Variants in ADRA1B observed in about 807,000 individuals in gnomAD.
The protein encoded by ADRA1B is alpha-1B adrenergic receptor.
ADRA1B carries 17 observed loss-of-function variants against 17.9 expected under a neutral mutation model. The ratio of observed to expected loss-of-function variants is 0.95; its 90% confidence interval spans 0.65 to 1.42. The LOEUF (loss-of-function observed/expected upper bound fraction) is 1.42. ADRA1B is among the 40% of genes most tolerant of loss of function. ADRA1B has a pLI of 0.00. For synonymous variants in ADRA1B, 366 were observed against 327.6 expected, an observed-to-expected ratio of 1.12 and a Z score of -1.27; for missense variants, 681 against 722.1, an observed-to-expected ratio of 0.94 and a Z score of 0.65.
chr5:159,914,288 C>T (rs578135825), upstream of ADRA1B, among the ~76,000 whole-genome samples: 1 of 152,324 alleles, frequency 6.6e-6, no homozygotes, highest in East Asian at 1.9e-4. Context: ...TCACACCCCA[C>T]TGTGTAGGTC....
At chr5:159,925,018 C>T (rs1754605163) in intron 1 of ADRA1B, among the ~76,000 whole-genome samples, 1 of 152,200 alleles carries the variant, frequency 6.6e-6, no homozygotes, top group Non-Finnish European at 1.5e-5. Flanking sequence ...CCTCATTTTA[C>T]AGATGAGGAA....
intron 1 of ADRA1B, among the ~76,000 whole-genome samples, chr5:159,962,887 C>CTTGTTTTTTTT (rs1755700738): frequency 1.2e-5 from 1 of 81,998 alleles, no homozygotes; most frequent in Non-Finnish European, 2.5e-5. Context: ...TGGTTTTTAG[C>CTTGTTTTTTTT]TTTTATTTCT....
chr5:159,899,183 A>G (rs114972515), intron 1 of ADRA1B, among the ~76,000 whole-genome samples: 1,563 of 144,706 alleles, frequency 0.011, 21 homozygotes, highest in African/African-American at 0.037. Flanking sequence ...AAAGAAAAAA[A>G]GAAAAGAAAA....
At chr5:159,932,487 T>C (rs1396751512) in intron 1 of ADRA1B, among the ~76,000 whole-genome samples, 1 of 152,160 alleles carries the variant, frequency 6.6e-6, no homozygotes, top group Non-Finnish European at 1.5e-5. Context: ...TGCACTGAAT[T>C]CCATAATAGA....
chr5:159,927,381 G>GCGCACACACACA (rs372694181), intron 1 of ADRA1B, among the ~76,000 whole-genome samples: 1 of 140,636 alleles, frequency 7.1e-6, no homozygotes, highest in African/African-American at 2.7e-5. Flanking sequence ...ATTAAAACAT[G>GCGCACACACACA]CACACACACA....
intron 1 of ADRA1B, among the ~76,000 whole-genome samples, chr5:159,934,000 C>T (rs1754882286): frequency 6.6e-6 from 1 of 152,188 alleles, no homozygotes; most frequent in Admixed American, 6.5e-5. Flanking sequence ...ATGGCAAATG[C>T]ACCACATTTT....
intron 1 of ADRA1B, among the ~76,000 whole-genome samples, chr5:159,875,355 G>A (rs192306446): frequency 5.3e-4 from 80 of 151,948 alleles, no homozygotes; most frequent in Middle Eastern, 6.8e-3. Context: ...GCCCACAACC[G>A]CAGCTCCTAC....
the ADRA1B span, among the ~76,000 whole-genome samples, chr5:159,982,984 GCT>G: frequency 4.3e-4 from 65 of 152,324 alleles, no homozygotes; most frequent in African/African-American, 1.5e-3. Context: ...GCAGGACGTG[GCT>G]CTGACTCAAT....
At chr5:159,962,930 CT>C (rs1287451612) in intron 1 of ADRA1B, among the ~76,000 whole-genome samples, 1 of 57,410 alleles carries the variant, frequency 1.7e-5, no homozygotes, top group Non-Finnish European at 3.5e-5. Context: ...TTTTTCTTTT[CT>C]TTTCTTTTTT....
intron 1 of ADRA1B, among the ~76,000 whole-genome samples, chr5:159,929,349 T>C (rs1035447334): frequency 6.6e-6 from 1 of 152,162 alleles, no homozygotes; most frequent in Non-Finnish European, 1.5e-5. Flanking sequence ...TTTCTATTGG[T>C]GACAAATCCT....
At chr5:159,919,330 T>C (rs972230390) in intron 1 of ADRA1B, among the ~76,000 whole-genome samples, 2 of 152,172 alleles carry the variant, frequency 1.3e-5, no homozygotes, top group Non-Finnish European at 2.9e-5. Flanking sequence ...CTTGTTCGGT[T>C]TACAGTGGAT....
At chr5:159,976,686 C>T (rs73321405), downstream of ADRA1B, among the ~76,000 whole-genome samples, 1,350 of 150,498 alleles carry the variant, frequency 9.0e-3, 25 homozygotes, top group African/African-American at 0.031. Context: ...AGCATGAAGA[C>T]GCGTTACTTA....
At chr5:159,922,123 A>C (rs1754501000) in intron 1 of ADRA1B, among the ~76,000 whole-genome samples, 1 of 152,180 alleles carries the variant, frequency 6.6e-6, no homozygotes, top group Non-Finnish European at 1.5e-5. Flanking sequence ...CAAGCCAAAA[A>C]CAAACATGGC....
At chr5:159,905,253 C>T (rs1220361756) in intron 1 of ADRA1B, among the ~76,000 whole-genome samples, 1 of 152,094 alleles carries the variant, frequency 6.6e-6, no homozygotes, top group African/African-American at 2.4e-5. Context: ...AAATTCACTA[C>T]AGAAATAGAA....
intron 1 of ADRA1B, among the ~76,000 whole-genome samples, chr5:159,919,482 A>C (rs1754418037): frequency 2.0e-5 from 3 of 152,250 alleles, no homozygotes. Context: ...TCTACAAAAC[A>C]GGGCTGATTA....
intron 1 of ADRA1B, among the ~76,000 whole-genome samples, chr5:159,920,368 A>G (rs1754445980): frequency 6.6e-6 from 1 of 152,090 alleles, no homozygotes; most frequent in South Asian, 2.1e-4. Flanking sequence ...TCTTACTCAC[A>G]TTACCCCCAT....
At chr5:159,876,991 CCCTA>C (rs1328709024) in intron 1 of ADRA1B, among the ~76,000 whole-genome samples, 3 of 152,154 alleles carry the variant, frequency 2.0e-5, no homozygotes, top group Non-Finnish European at 4.4e-5. Flanking sequence ...GATTTTCTTC[CCCTA>C]AGGGGTGCAC....
chr5:159,892,423 C>T (rs761709643), intron 1 of ADRA1B, among the ~76,000 whole-genome samples: 2 of 152,148 alleles, frequency 1.3e-5, no homozygotes, highest in Non-Finnish European at 2.9e-5. Context: ...CACAGATCAT[C>T]CCATCACCTA....
intron 1 of ADRA1B, among the ~76,000 whole-genome samples, chr5:159,949,982 C>A (rs1755382279): frequency 6.6e-6 from 1 of 152,348 alleles, no homozygotes; most frequent in East Asian, 1.9e-4. Flanking sequence ...TGGATCAGGG[C>A]AAGCAGGGAA....
Sources: gnomAD v4.1 joint callset for allele counts (sites outside exome capture counted in the v4.1 genomes callset) on GRCh38, gnomAD v4.1.1 for gene constraint, MANE v1.5 for transcripts, NCBI Gene and HGNC (gene_info 2026-07-23, HGNC 2026-07-21) for gene names.